The following LCP1 variants were observed in gnomAD, a reference collection of about 807,000 sequenced individuals.
The protein encoded by LCP1 is plastin-2.
A neutral mutation model predicts 72.0 loss-of-function variants in LCP1; 23 were observed. The observed-to-expected ratio is 0.32, with a 90% CI of 0.23 to 0.45. The LOEUF (loss-of-function observed/expected upper bound fraction) is 0.45, where lower values mean the gene tolerates loss of function less well. LCP1 is among the 20% of genes least tolerant of loss of function. The probability of loss-of-function intolerance (pLI) is 1.00; values close to 1 mark genes in which losing one functional copy is unlikely to be tolerated. For synonymous variants in LCP1, 245 were observed against 275.4 expected, an observed-to-expected ratio of 0.89 and a Z score of 1.09; for missense variants, 571 against 748.3, an observed-to-expected ratio of 0.76 and a Z score of 2.76.
In LCP1 at chr13:46,127,056, C is replaced by T. The variant is rs186831392; in HGVS notation, c.*535G>A. 5.4e-4 allele frequency: 125 copies of T among 231,196 alleles called. No homozygotes were observed. Among genetic ancestry groups the T allele is most frequent in the African/African-American group, 2.5e-3 (112 of 45,280 alleles). The allele number at this position is 231,196 out of a possible 1,614,324, so 14.3% of individuals were successfully genotyped here. On this transcript the variant is annotated 3_prime_UTR_variant, in exon 16 of 16. Transcript: ENST00000323076. ...CAAGGACGGCCAGAAGAGATGGGCC[C>T]CCCCGGAAGGCATGGTTCCAAAAGT...
At chr13:46,179,624 T>C (rs756455219) in intron 1 of LCP1, among the ~76,000 whole-genome samples, 1 of 151,888 alleles carries the variant, frequency 6.6e-6, no homozygotes, top group Non-Finnish European at 1.5e-5. Context: ...CCTTGAAAAA[T>C]GATCAGAAGT....
intron 13 of LCP1, among the ~76,000 whole-genome samples, chr13:46,135,251 T>A (rs2045658211): frequency 6.6e-6 from 1 of 152,100 alleles, no homozygotes; most frequent in Non-Finnish European, 1.5e-5. Flanking sequence ...TTTGTGGACT[T>A]CATGGTTCAG....
At chr13:46,174,029 A>G (rs2045916162) in intron 1 of LCP1, among the ~76,000 whole-genome samples, 1 of 151,964 alleles carries the variant, frequency 6.6e-6, no homozygotes, top group African/African-American at 2.4e-5. Flanking sequence ...CCTGCACTAC[A>G]CTCTACCTCC....
At chr13:46,152,111 C>T (rs1431657199) in intron 7 of LCP1, among the ~76,000 whole-genome samples, 1 of 152,174 alleles carries the variant, frequency 6.6e-6, no homozygotes, top group Non-Finnish European at 1.5e-5. Context: ...AAGGTGGTTA[C>T]TGTTGGTCAA....
intron 8 of LCP1, 134 bp from the exon 9 acceptor site, chr13:46,148,581 G>A (rs1401122546): frequency 1.5e-6 from 1 of 650,214 alleles, no homozygotes; most frequent in East Asian, 2.7e-5. Flanking sequence ...AACAAAGCTA[G>A]AAACATTCAC....
At chr13:46,172,383 C>G (rs1407460367) in intron 1 of LCP1, among the ~76,000 whole-genome samples, 4 of 151,942 alleles carry the variant, frequency 2.6e-5, no homozygotes, top group Non-Finnish European at 5.9e-5. Context: ...ACTCATGAGG[C>G]TGAGGCAGGA....
intron 1 of LCP1, among the ~76,000 whole-genome samples, chr13:46,175,458 C>T (rs1480233235): frequency 6.6e-6 from 1 of 152,206 alleles, no homozygotes; most frequent in Non-Finnish European, 1.5e-5. Context: ...GCTCCCCTTT[C>T]TTTATACCAC....
Position 46,148,580 on chromosome 13 carries a change from AG to A in LCP1, c.883-134del, listed in dbSNP as rs1270087328. On this transcript the variant is annotated intron_variant, in intron 8 of 15. Coordinates refer to ENST00000323076, the MANE Select transcript of LCP1 (RefSeq NM_002298.5). ...TTCCAGAATGTAACTTAACAAAGCT[AG>A]AAACATTCACTAATTTGAATGTTCT... 56 of 652,292 alleles carry A rather than the reference AG, an allele frequency of 8.6e-5. No individual in the cohort carries two copies. In the African/African-American group the frequency reaches 8.9e-4, roughly 10 times the overall value. 40.4% of individuals were successfully genotyped at this position (652,292 alleles called of 1,614,324 possible).
rs1362852539 is a variant in LCP1, at chr13:46,144,489, G to T, written c.1206C>A (p.Asn402Lys). The T allele has an allele frequency of 1.9e-6, 3 of 1,613,730 alleles. No homozygotes were observed. The highest frequency in any genetic ancestry group is 1.3e-5 in the African/African-American group (1 of 74,916). ...GGTTAACACCCAGGGAGTTCATCCAGTTCCTAAATGTCCGCTCTTCTCTCG... is the reference window on the plus strand; with the variant it reads ...GGTTAACACCCAGGGAGTTCATCCATTTCCTAAATGTCCGCTCTTCTCTCG... The part of the protein sequence containing the change: ...GETREERTFR[N>K]WMNSLGVNPR... The change falls in exon 11 of 16, where the codon AAC (asparagine) becomes AAA (lysine). Residue 402 changes from asparagine to lysine, a missense_variant. Coordinates refer to ENST00000323076, the MANE Select transcript of LCP1 (RefSeq NM_002298.5).
At chr13:46,177,762 CAT>C (rs1358221453) in intron 1 of LCP1, among the ~76,000 whole-genome samples, 1 of 152,102 alleles carries the variant, frequency 6.6e-6, no homozygotes, top group African/African-American at 2.4e-5. Flanking sequence ...GGGTGGAGAT[CAT>C]GTTTTGTGAC....
chr13:46,157,289 G>A (rs1280789840), intron 4 of LCP1, among the ~76,000 whole-genome samples: 1 of 151,754 alleles, frequency 6.6e-6, no homozygotes, highest in East Asian at 1.9e-4. Flanking sequence ...TACAAATGTG[G>A]TATAATGCTT....
Position 46,177,597 on chromosome 13 carries a change from G to T in LCP1, c.-25+4514C>A, listed in dbSNP as rs369794237. On this transcript the variant is annotated intron_variant, in intron 1 of 15. Transcript: ENST00000323076. The stretch of plus-strand genomic sequence containing the variant: ...GGAGGTTTCAGTAAGCCGAGATCAC[G>T]CAACTGTACTCCAGCCTGGGTGAGC... Among the ~76,000 whole-genome samples, 207 of 152,286 alleles carry T rather than the reference G, an allele frequency of 1.4e-3. 1 individual carries two copies. Among genetic ancestry groups the T allele is most frequent in the African/African-American group, 4.8e-3 (199 of 41,556 alleles).
At chr13:46,130,487 T>C (rs74073787) in intron 15 of LCP1, among the ~76,000 whole-genome samples, 2,129 of 152,324 alleles carry the variant, frequency 0.014, 47 homozygotes, top group African/African-American at 0.047. Context: ...CTGTGCATTC[T>C]TATCCATGAA....
At chr13:46,131,184 T>C (rs567341510) in intron 14 of LCP1, among the ~76,000 whole-genome samples, 2 of 152,248 alleles carry the variant, frequency 1.3e-5, no homozygotes, top group East Asian at 3.9e-4. Context: ...TGGAAGGAAG[T>C]TAGCACAACT....
intron 7 of LCP1, among the ~76,000 whole-genome samples, chr13:46,152,431 G>A (rs1355954418): frequency 6.6e-6 from 1 of 152,160 alleles, no homozygotes; most frequent in East Asian, 1.9e-4. Flanking sequence ...ATGAATGTGA[G>A]TTGCTTACTT....
In LCP1 at chr13:46,159,839, C is replaced by T. The variant is rs186580182; in HGVS notation, c.-24-153G>A. On this transcript the variant is annotated intron_variant, in intron 1 of 15. Transcript: ENST00000323076. The stretch of plus-strand genomic sequence containing the variant: ...CTTTCCAAAATGTAAGTCAGAAATA[C>T]GCTTTTTCTCAATCCTCCATGTGGT... Among the ~76,000 whole-genome samples, 384 of 152,308 alleles carry T rather than the reference C, an allele frequency of 2.5e-3. 1 individual carries two copies. The highest frequency in any genetic ancestry group is 4.0e-3 in the Non-Finnish European group (272 of 68,028).
chr13:46,149,806 C>T (rs764434481), intron 8 of LCP1, among the ~76,000 whole-genome samples: 5 of 152,138 alleles, frequency 3.3e-5, no homozygotes, highest in Admixed American at 6.5e-5. Context: ...ATCTGACAGC[C>T]TAATTTTGTC....
chr13:46,138,941 C>T (rs149937479), intron 13 of LCP1, among the ~76,000 whole-genome samples: 2,865 of 152,264 alleles, frequency 0.019, 40 homozygotes, highest in Non-Finnish European at 0.027. Context: ...CCACCGCACC[C>T]GCTGGCTTGA....
intron 1 of LCP1, among the ~76,000 whole-genome samples, chr13:46,167,359 G>A (rs1455069502): frequency 2.0e-5 from 3 of 152,122 alleles, no homozygotes; most frequent in African/African-American, 7.2e-5. Context: ...GCCAGCTAAG[G>A]AGTTCTCATT....
Sources: allele counts gnomAD v4.1 joint callset (sites outside exome capture counted in the v4.1 genomes callset), GRCh38; gene constraint gnomAD v4.1.1; transcripts MANE v1.5; gene names NCBI Gene and HGNC (gene_info 2026-07-23, HGNC 2026-07-21).